FRMD4B: variants seen among roughly 807,000 people sequenced by gnomAD.
FRMD4B encodes FERM domain containing 4B.
FRMD4B carries 74 observed loss-of-function variants against 141.5 expected under a neutral mutation model. The observed-to-expected ratio is 0.52, with a 90% CI of 0.43 to 0.63. The LOEUF (loss-of-function observed/expected upper bound fraction) is 0.63. Among genes scored for constraint, FRMD4B ranks in the 30% least tolerant of loss-of-function variants. FRMD4B has a pLI of 0.00. For synonymous variants in FRMD4B, 506 were observed against 467.9 expected, an observed-to-expected ratio of 1.08 and a Z score of -1.05; for missense variants, 1,366 against 1,253.4, an observed-to-expected ratio of 1.09 and a Z score of -1.36.
Position 69,218,338 on chromosome 3 carries a change from TG to T in FRMD4B, c.772del (p.His258IlefsTer5). The part of the protein sequence containing the change: ...IVEALPTYGV[H>X]YYAVKDKQGL... ...ATTACTTACCTTTACTGCATAATAA[TG>T]GACACCGTAAGTCGGTAGAGCTTCT... On this transcript the variant is annotated frameshift_variant, in exon 10 of 23. Coordinates refer to ENST00000398540, the MANE Select transcript of FRMD4B (RefSeq NM_015123.3). LOFTEE classifies it high-confidence loss of function. 6.6e-7 allele frequency: 1 copy of T among 1,507,846 alleles called. No homozygotes were observed. The highest frequency in any genetic ancestry group is 9.2e-7 in the Non-Finnish European group (1 of 1,087,986). The allele number at this position is 1,507,846 out of a possible 1,614,324, so 93.4% of individuals were successfully genotyped here.
intron 4 of FRMD4B, among the ~76,000 whole-genome samples, chr3:69,292,815 C>T (rs1264454193): frequency 1.1e-3 from 131 of 120,918 alleles, no homozygotes; most frequent in South Asian, 1.6e-3. Context: ...TTTTTTCAGC[C>T]TTTTTTTTTT....
chr3:69,229,015 G>GTTTTTTTT (rs58912710), intron 7 of FRMD4B, among the ~76,000 whole-genome samples: 990 of 120,544 alleles, frequency 8.2e-3, no homozygotes, highest in Non-Finnish European at 0.011. Context: ...TCAAAATCAT[G>GTTTTTTTT]TTTTTTTTTT....
At chr3:69,438,765 C>T (rs1404776958) in intron 1 of FRMD4B, among the ~76,000 whole-genome samples, 1 of 152,174 alleles carries the variant, frequency 6.6e-6, no homozygotes, top group Non-Finnish European at 1.5e-5. Context: ...CACCCAATCT[C>T]CATCCTCACC....
intron 5 of FRMD4B, among the ~76,000 whole-genome samples, chr3:69,281,810 TA>T (rs2093645655): frequency 2.7e-5 from 3 of 112,672 alleles, no homozygotes; most frequent in Non-Finnish European, 5.4e-5. Flanking sequence ...GGTGACAGAG[TA>T]AGACTCCGTC....
At chr3:69,276,943 C>A (rs898391757) in intron 5 of FRMD4B, among the ~76,000 whole-genome samples, 1 of 151,964 alleles carries the variant, frequency 6.6e-6, no homozygotes, top group African/African-American at 2.4e-5. Flanking sequence ...CCAGCCTGGG[C>A]GACAGAACAA....
intron 8 of FRMD4B, among the ~76,000 whole-genome samples, chr3:69,224,320 T>C (rs1433815677): frequency 2.0e-5 from 3 of 152,202 alleles, no homozygotes; most frequent in Non-Finnish European, 4.4e-5. Context: ...TTGAATATTA[T>C]ATATTCACCT....
At chr3:69,335,688 A>G (rs569026635) in intron 1 of FRMD4B, among the ~76,000 whole-genome samples, 14 of 151,472 alleles carry the variant, frequency 9.2e-5, no homozygotes, top group Non-Finnish European at 1.9e-4. Context: ...TGAAATGTTA[A>G]TAACACAGAT....
chr3:69,214,236 G>A (rs1366687735), intron 11 of FRMD4B, among the ~76,000 whole-genome samples: 1 of 152,206 alleles, frequency 6.6e-6, no homozygotes, highest in Non-Finnish European at 1.5e-5. Context: ...TTATAGGGCT[G>A]TTTTATAAAG....
chr3:69,210,937 C>T (rs557971830), intron 11 of FRMD4B, among the ~76,000 whole-genome samples: 2 of 144,034 alleles, frequency 1.4e-5, no homozygotes, highest in African/African-American at 2.5e-5. Flanking sequence ...TCCTTGAACC[C>T]GGGAAGCAGG....
rs1333297082 is a variant in FRMD4B at position 69,313,505 on chromosome 3, T to A, written c.175A>T (p.Arg59Trp). 3 of 1,569,138 alleles carry A rather than the reference T, an allele frequency of 1.9e-6. No individual in the cohort carries two copies. The highest frequency in any genetic ancestry group is 2.6e-6 in the Non-Finnish European group (3 of 1,155,856). The change falls in exon 2 of 23, where the codon AGG becomes TGG. Residue 59 changes from arginine (R) to tryptophan (W), a missense_variant. Transcript: ENST00000398540. ...LQDVYQMTEG[R>W]HCQVHLLDDR... ...TCCAGGAGGTGCACCTGGCAGTGCCTGCCTTCTGTCATCTGCAGGAACAAG... is the reference window on the plus strand; with the variant it reads ...TCCAGGAGGTGCACCTGGCAGTGCCAGCCTTCTGTCATCTGCAGGAACAAG...
chr3:69,355,363 G>T (rs1347521236), intron 1 of FRMD4B, among the ~76,000 whole-genome samples: 1 of 152,096 alleles, frequency 6.6e-6, no homozygotes, highest in Non-Finnish European at 1.5e-5. Flanking sequence ...CAAAACATTT[G>T]CCTGAGTCTT....
At chr3:69,276,910 A>G (rs1431036345) in intron 5 of FRMD4B, among the ~76,000 whole-genome samples, 1 of 152,216 alleles carries the variant, frequency 6.6e-6, no homozygotes, top group Non-Finnish European at 1.5e-5. Context: ...GGTTGCAGTG[A>G]GCCGAGATTG....
chr3:69,240,654 CCTT>C (rs1335647578), intron 7 of FRMD4B, among the ~76,000 whole-genome samples: 4 of 152,162 alleles, frequency 2.6e-5, no homozygotes, highest in Admixed American at 6.6e-5. Flanking sequence ...ACTCTTTAAT[CCTT>C]CTTCCTGTAT....
intron 1 of FRMD4B, chr3:69,353,608 CA>C: frequency 1.0e-6 from 1 of 985,322 alleles, no homozygotes; most frequent in Non-Finnish European, 1.2e-6. Flanking sequence ...ACAAAAGACA[CA>C]CGTATTAAGC....
chr3:69,535,354 G>A (rs144754255), intron 1 of FRMD4B, among the ~76,000 whole-genome samples: 1 of 152,212 alleles, frequency 6.6e-6, no homozygotes, highest in Admixed American at 6.5e-5. Context: ...GGGGTGTTAG[G>A]AGTCCCCACC....
At chr3:69,440,616 C>A (rs1705328548) in intron 1 of FRMD4B, among the ~76,000 whole-genome samples, 1 of 152,084 alleles carries the variant, frequency 6.6e-6, no homozygotes, top group Non-Finnish European at 1.5e-5. Flanking sequence ...ATCAGCCTGG[C>A]CAACGTGGGG....
chr3:69,192,263 C>A (rs1159244323), intron 17 of FRMD4B, among the ~76,000 whole-genome samples: 1 of 152,042 alleles, frequency 6.6e-6, no homozygotes. Flanking sequence ...ATAGTCCCAG[C>A]TGCTAGGGAG....
Position 69,523,724 on chromosome 3 carries a change from G to C in FRMD4B, c.-129+18482C>G, listed in dbSNP as rs184629550. On this transcript the variant is annotated intron_variant, in intron 1 of 5. Coordinates refer to the FRMD4B transcript ENST00000459638. The stretch of plus-strand genomic sequence containing the variant: ...CCACCCTAACTAAGATTGGGGTTCT[G>C]TTACCAAGAATGGGAGAAATGGATG... 1.1e-3 allele frequency among the ~76,000 whole-genome samples: 173 copies of C among 152,308 alleles called. 1 individual carries two copies. The highest frequency in any genetic ancestry group is 1.9e-3 in the Non-Finnish European group (132 of 68,020).
At chr3:69,436,414 G>A (rs1423447804) in intron 1 of FRMD4B, among the ~76,000 whole-genome samples, 4 of 152,150 alleles carry the variant, frequency 2.6e-5, no homozygotes, top group East Asian at 1.9e-4. Flanking sequence ...CTACTAGGAC[G>A]GATATTTGGG....
Sources: allele counts gnomAD v4.1 joint callset (sites outside exome capture counted in the v4.1 genomes callset), GRCh38; gene constraint gnomAD v4.1.1; transcripts MANE v1.5; gene names NCBI Gene and HGNC (gene_info 2026-07-23, HGNC 2026-07-21).